Variants in NKAIN3 observed in about 807,000 individuals in gnomAD.
The protein encoded by NKAIN3 is sodium/potassium transporting ATPase interacting 3, also known as sodium/potassium-transporting ATPase subunit beta-1-interacting protein 3.
NKAIN3 carries 25 observed loss-of-function variants against 30.2 expected under a neutral mutation model. The observed-to-expected ratio is 0.83, with a 90% CI of 0.60 to 1.16. The LOEUF (loss-of-function observed/expected upper bound fraction) is 1.16. Among genes scored for constraint, NKAIN3 ranks in the 50% most tolerant of loss-of-function variants. The pLI is 0.00. For missense variants in NKAIN3, 225 were observed against 254.1 expected (o/e 0.89, Z 0.78); for synonymous variants, 91 against 89.6 (o/e 1.02, Z -0.09).
chr8:62,873,813 T>A (rs1298500053), intron 4 of NKAIN3, among the ~76,000 whole-genome samples: 1 of 151,956 alleles, frequency 6.6e-6, no homozygotes, highest in Non-Finnish European at 1.5e-5. Flanking sequence ...TATACCAGAA[T>A]CTCTGGGTTA....
At chr8:62,936,156 G>C (rs561167988) in intron 5 of NKAIN3, among the ~76,000 whole-genome samples, 2 of 152,240 alleles carry the variant, frequency 1.3e-5, no homozygotes, top group East Asian at 3.9e-4. Context: ...GTAGTGGCTT[G>C]CAGAAGAACT....
At chr8:62,805,551 A>G (rs76906052) in intron 4 of NKAIN3, among the ~76,000 whole-genome samples, 2 of 152,282 alleles carry the variant, frequency 1.3e-5, no homozygotes, top group Non-Finnish European at 2.9e-5. Context: ...AGAAATGGGG[A>G]AAGGATTCCC....
chr8:62,342,523 T>C (rs1440291959), intron 1 of NKAIN3, among the ~76,000 whole-genome samples: 1 of 152,088 alleles, frequency 6.6e-6, no homozygotes, highest in East Asian at 1.9e-4. Flanking sequence ...CCTGAATCCA[T>C]TAATGCCCTT....
chr8:62,875,604 A>G (rs1820772612), intron 4 of NKAIN3, among the ~76,000 whole-genome samples: 1 of 152,244 alleles, frequency 6.6e-6, no homozygotes, highest in African/African-American at 2.4e-5. Flanking sequence ...CCAAAGCATC[A>G]TAGTCCTGGT....
intron 4 of NKAIN3, among the ~76,000 whole-genome samples, chr8:62,905,202 A>T (rs538500096): frequency 6.1e-4 from 93 of 152,314 alleles, no homozygotes; most frequent in African/African-American, 2.1e-3. Context: ...ATGTGAGAAC[A>T]GGGTGAGGGG....
intron 1 of NKAIN3, among the ~76,000 whole-genome samples, chr8:62,347,454 T>C (rs1256471439): frequency 1.3e-5 from 2 of 152,100 alleles, no homozygotes; most frequent in Non-Finnish European, 2.9e-5. Context: ...AAAGAGATTA[T>C]CTAAGAATTG....
In NKAIN3 at chr8:62,293,727, A is replaced by G. The variant is rs183087234; in HGVS notation, c.54+44600A>G. Among the ~76,000 whole-genome samples the G allele has an allele frequency of 9.9e-5, 15 of 152,250 alleles. No homozygotes were observed. In the East Asian group the frequency reaches 2.9e-3, roughly 29 times the overall value. On this transcript the variant is annotated intron_variant, in intron 1 of 6. Transcript: ENST00000623646. Reference sequence around the variant, plus strand: ...GCAGTCTGTCTGTTCTCAGATCTCAAACTCCGTGCTTGGAGAAGCACTACT... The same window carrying G: ...GCAGTCTGTCTGTTCTCAGATCTCAGACTCCGTGCTTGGAGAAGCACTACT...
chr8:62,665,530 T>G (rs996926292), intron 3 of NKAIN3, among the ~76,000 whole-genome samples: 4 of 152,228 alleles, frequency 2.6e-5, no homozygotes, highest in Non-Finnish European at 5.9e-5. Flanking sequence ...TTTCCATTAC[T>G]GTCACACTTC....
intron 4 of NKAIN3, among the ~76,000 whole-genome samples, chr8:62,814,929 A>C (rs1818626835): frequency 6.6e-6 from 1 of 152,160 alleles, no homozygotes; most frequent in African/African-American, 2.4e-5. Flanking sequence ...TCAAAAAATT[A>C]ATGAATCCAG....
chr8:62,404,190 G>T (rs1207284269), intron 1 of NKAIN3, among the ~76,000 whole-genome samples: 1 of 152,162 alleles, frequency 6.6e-6, no homozygotes, highest in African/African-American at 2.4e-5. Context: ...ACTTGCTTTT[G>T]ATTTTCCAGG....
chr8:62,567,814 A>T (rs2130004763), intron 1 of NKAIN3, among the ~76,000 whole-genome samples: 1 of 152,282 alleles, frequency 6.6e-6, no homozygotes, highest in Admixed American at 6.5e-5. Flanking sequence ...ACTACAAAAG[A>T]TAATAAAGTA....
rs150529763 is a variant in NKAIN3 at position 62,791,279 on chromosome 8, G to A, written c.471+44150G>A. On this transcript the variant is annotated intron_variant, in intron 4 of 6. Transcript: ENST00000623646. ...GAACATAAAATGAACAGCTCTTAGT[G>A]TATGACTGGACATGGGGAAGTGGAA... Among the ~76,000 whole-genome samples the A allele has an allele frequency of 5.4e-3, 816 of 152,240 alleles. 4 individuals are homozygous for A. The highest frequency in any genetic ancestry group is 0.018 in the African/African-American group (755 of 41,552).
At position 62,472,518 on chromosome 8, in the gene NKAIN3, A is replaced by C. The variant is rs560815384; in HGVS notation, c.55-107021A>C. The stretch of plus-strand genomic sequence containing the variant: ...CCTCAATAAAGGTTAGTATCACCTC[A>C]ACTTAGTAGGGTACATGCTTTCAAG... On this transcript the variant is annotated intron_variant, in intron 1 of 6. Transcript: ENST00000623646. 1.8e-3 allele frequency among the ~76,000 whole-genome samples: 280 copies of C among 152,294 alleles called. 1 individual carries two copies. Among genetic ancestry groups the C allele is most frequent in the African/African-American group, 6.5e-3 (269 of 41,576 alleles).
At chr8:62,739,326 T>C (rs1311363791) in intron 3 of NKAIN3, among the ~76,000 whole-genome samples, 1 of 152,158 alleles carries the variant, frequency 6.6e-6, no homozygotes, top group East Asian at 1.9e-4. Context: ...TTGTAAACTG[T>C]GGATTTCTTT....
intron 4 of NKAIN3, among the ~76,000 whole-genome samples, chr8:62,824,705 A>C (rs1259414898): frequency 6.6e-6 from 1 of 152,078 alleles, no homozygotes; most frequent in Non-Finnish European, 1.5e-5. Context: ...CCTCTCCACT[A>C]TATTTCACCT....
intron 1 of NKAIN3, among the ~76,000 whole-genome samples, chr8:62,286,127 G>A (rs562164932): frequency 9.9e-5 from 15 of 152,152 alleles, no homozygotes; most frequent in Non-Finnish European, 2.2e-4. Flanking sequence ...AAGGAAGGAA[G>A]TGATCATTCC....
chr8:62,436,338 G>C (rs997938310), intron 1 of NKAIN3, among the ~76,000 whole-genome samples: 1 of 152,150 alleles, frequency 6.6e-6, no homozygotes, highest in Non-Finnish European at 1.5e-5. Flanking sequence ...GGTCCTGTGT[G>C]TGGCTGAAAT....
chr8:62,953,801 G>A (rs77692284), intron 5 of NKAIN3, 101 bp from the exon 6 acceptor site: 2 of 203,040 alleles, frequency 9.9e-6, no homozygotes, highest in Non-Finnish European at 1.7e-5. Flanking sequence ...TATGGTGAAC[G>A]GATATTTTTG....
At chr8:62,481,479 T>C (rs1390663764) in intron 1 of NKAIN3, among the ~76,000 whole-genome samples, 1 of 152,198 alleles carries the variant, frequency 6.6e-6, no homozygotes, top group East Asian at 1.9e-4. Flanking sequence ...TATCTATTTA[T>C]TTGTGTTATC....
Sources: allele counts gnomAD v4.1 joint callset (sites outside exome capture counted in the v4.1 genomes callset), GRCh38; gene constraint gnomAD v4.1.1; transcripts MANE v1.5; gene names NCBI Gene and HGNC (gene_info 2026-07-23, HGNC 2026-07-21).